The following CSPP1 variants were observed in gnomAD, a reference collection of about 807,000 sequenced individuals.
CSPP1 encodes centrosome and spindle pole-associated protein 1.
In CSPP1, 126 loss-of-function variants were observed where a neutral mutation model predicts 164.4. The ratio of observed to expected loss-of-function variants is 0.77; its 90% CI spans 0.66 to 0.89. The LOEUF (loss-of-function observed/expected upper bound fraction) is 0.89, where lower values mean the gene tolerates loss of function less well. Among genes scored for constraint, CSPP1 ranks in the 40% least tolerant of loss-of-function variants. The pLI, the probability that CSPP1 is intolerant of heterozygous loss-of-function variation, is 0.00. For missense variants in CSPP1, 1,395 were observed against 1,449.8 expected, an observed-to-expected ratio of 0.96 and a Z score of 0.61; for synonymous variants, 472 against 476.7, an observed-to-expected ratio of 0.99 and a Z score of 0.13.
At position 67,095,296 on chromosome 8, in the gene CSPP1, A is replaced by G. The variant is rs888133223; in HGVS notation, c.487A>G (p.Lys163Glu). The change falls in exon 7 of 31, where the codon AAG becomes GAG. Residue 163 changes from lysine to glutamate, a missense_variant. Coordinates refer to ENST00000678616, the MANE Select transcript of CSPP1 (RefSeq NM_001382391.1). ...TTTTTCTTTTTTAATTGAACAGCCC[A>G]AGAGTCAGAGAAATAAAAAACCTAT... The part of the protein sequence containing the change: ...FRQVEKSTEP[K>E]SQRNKKPIGQ... 6.4e-7 allele frequency: 1 copy of G among 1,557,796 alleles called. No individual in the cohort carries two copies.
chr8:67,111,149 A>G (rs1406750903), intron 9 of CSPP1, among the ~76,000 whole-genome samples: 1 of 152,174 alleles, frequency 6.6e-6, no homozygotes, highest in Non-Finnish European at 1.5e-5. Context: ...TGATTTTTGT[A>G]GTGTTCCAGA....
At chr8:67,151,579 TC>T (rs989311863) in intron 18 of CSPP1, among the ~76,000 whole-genome samples, 1 of 152,120 alleles carries the variant, frequency 6.6e-6, no homozygotes, top group Non-Finnish European at 1.5e-5. Flanking sequence ...AATCAACAGT[TC>T]CCATGATCCC....
intron 17 of CSPP1, among the ~76,000 whole-genome samples, chr8:67,148,603 T>C (rs1205294354): frequency 6.6e-6 from 1 of 152,246 alleles, no homozygotes; most frequent in Non-Finnish European, 1.5e-5. Context: ...GTAGCATTTA[T>C]GTATTACTTG....
chr8:67,195,539 T>A lies in CSPP1; in HGVS notation c.3627T>A (p.Ile1209=). The part of the protein sequence containing the change: ...AEQLNQEQQQ[I]PGKPGTFTWQ... ...AGCTGAACCAGGAGCAGCAGCAGAT[T>A]CCTGGAAAACCAGGCACTTTCACTT... The change falls in exon 31 of 31, where the codon ATT becomes ATA. Residue 1209 remains isoleucine (I), a synonymous_variant. Coordinates refer to ENST00000678616, the MANE Select transcript of CSPP1 (RefSeq NM_001382391.1). 6.2e-7 allele frequency: 1 copy of A among 1,614,218 alleles called. No homozygotes were observed. Among genetic ancestry groups the A allele is most frequent in the Non-Finnish European group, 8.5e-7 (1 of 1,180,038 alleles).
intron 19 of CSPP1, 99 bp from the exon 20 acceptor site, chr8:67,158,348 G>C: frequency 1.6e-6 from 2 of 1,276,680 alleles, no homozygotes; most frequent in Non-Finnish European, 2.1e-6. Context: ...GCAAAAAGAG[G>C]GTACAAGTGT....
At chr8:67,104,119 T>C (rs1403829839) in intron 8 of CSPP1, among the ~76,000 whole-genome samples, 1 of 152,180 alleles carries the variant, frequency 6.6e-6, no homozygotes, top group Non-Finnish European at 1.5e-5. Context: ...GATAATGTCA[T>C]ATGTCAAGAA....
At chr8:67,146,495 A>AT (rs1230115742) in intron 17 of CSPP1, among the ~76,000 whole-genome samples, 1 of 152,110 alleles carries the variant, frequency 6.6e-6, no homozygotes, top group Non-Finnish European at 1.5e-5. Flanking sequence ...ATCAGTTAGA[A>AT]TTTTACTCTA....
chr8:67,195,361 C>T (rs769025909), intron 30 of CSPP1, 21 bp from the exon 31 acceptor site: 11 of 1,571,426 alleles, frequency 7.0e-6, no homozygotes, highest in Admixed American at 3.3e-5. Flanking sequence ...ACCTGAGCCA[C>T]GTGTCCCTTG....
chr8:67,125,587 G>A (rs1201028589), intron 15 of CSPP1, among the ~76,000 whole-genome samples: 2 of 151,998 alleles, frequency 1.3e-5, no homozygotes, highest in African/African-American at 2.4e-5. Flanking sequence ...TACACATTAT[G>A]GTGTTTCACA....
chr8:67,100,786 AG>A (rs1813906260), intron 7 of CSPP1, among the ~76,000 whole-genome samples: 3 of 142,344 alleles, frequency 2.1e-5, no homozygotes, highest in Admixed American at 2.1e-4. Context: ...TTATTATTAA[AG>A]AATATATATA....
At chr8:67,096,110 A>G (rs1047129260) in intron 7 of CSPP1, among the ~76,000 whole-genome samples, 2 of 152,254 alleles carry the variant, frequency 1.3e-5, no homozygotes, top group African/African-American at 2.4e-5. Context: ...TAAATTAGTA[A>G]TGATTCAAGT....
chr8:67,190,783 C>T, intron 29 of CSPP1, 24 bp downstream of exon 29: 1 of 1,512,856 alleles, frequency 6.6e-7, no homozygotes, highest in Non-Finnish European at 9.2e-7. Flanking sequence ...TTTTCTCCCC[C>T]TTTTCAACTT....
chr8:67,127,548 G>C (rs1820339835), intron 15 of CSPP1, among the ~76,000 whole-genome samples: 1 of 152,196 alleles, frequency 6.6e-6, no homozygotes, highest in Admixed American at 6.5e-5. Context: ...GCAGGGCTTT[G>C]ATGTAAGAAC....
At chr8:67,177,777 CT>C in intron 27 of CSPP1, 51 bp downstream of exon 27, 1 of 1,253,740 alleles carries the variant, frequency 8.0e-7, no homozygotes, top group Non-Finnish European at 1.2e-6. Context: ...GATTAAAAAT[CT>C]TTAGGCATAT....
intron 10 of CSPP1, among the ~76,000 whole-genome samples, chr8:67,113,569 G>A (rs2129550352): frequency 6.6e-6 from 1 of 151,964 alleles, no homozygotes; most frequent in South Asian, 2.1e-4. Context: ...AATACTCTAG[G>A]CATTGGCTTA....
At chr8:67,180,299 C>A (rs530842437) in intron 28 of CSPP1, among the ~76,000 whole-genome samples, 480 of 152,314 alleles carry the variant, frequency 3.2e-3, no homozygotes, top group Non-Finnish European at 5.4e-3. Context: ...TTGGATGACT[C>A]TTCAGGGAAA....
chr8:67,078,632 A>G (rs951192983), intron 3 of CSPP1, among the ~76,000 whole-genome samples: 7 of 151,356 alleles, frequency 4.6e-5, no homozygotes, highest in Non-Finnish European at 1.0e-4. Context: ...AAGTTCTGGG[A>G]TTACAGGTGT....
intron 28 of CSPP1, among the ~76,000 whole-genome samples, chr8:67,189,407 G>A (rs1835574722): frequency 6.6e-6 from 1 of 152,112 alleles, no homozygotes; most frequent in Admixed American, 6.5e-5. Context: ...GGTACATCCA[G>A]ACAATGCAAT....
At position 67,132,086 on chromosome 8, in the gene CSPP1, G is replaced by C; in HGVS notation, c.1827+6G>C. The C allele has an allele frequency of 6.2e-7, 1 of 1,611,314 alleles. No homozygotes were observed. The highest frequency in any genetic ancestry group is 2.2e-5 in the East Asian group (1 of 44,778). On this transcript the variant is annotated splice_donor_region_variant and intron_variant, in intron 16 of 30. Transcript: ENST00000678616. ...AAGAGGCTTTGCAGCAGCAGGTATT[G>C]ATTCATTTACTCATTTACTGTTGAA...
Sources: allele counts gnomAD v4.1 joint callset (sites outside exome capture counted in the v4.1 genomes callset), GRCh38; gene constraint gnomAD v4.1.1; transcripts MANE v1.5; gene names NCBI Gene and HGNC (gene_info 2026-07-23, HGNC 2026-07-21).